Variants in PSIP1 observed in about 807,000 individuals in gnomAD.
PSIP1 encodes the protein PC4 and SRSF1 interacting protein 1, also known as PC4 and SFRS1-interacting protein.
In PSIP1, 19 loss-of-function variants were observed where a neutral mutation model predicts 74.7. That is an observed-to-expected ratio of 0.25 (90% CI 0.18 to 0.37). The LOEUF is 0.37. Ranked by LOEUF, PSIP1 falls within the 10% of genes least tolerant of loss-of-function variation. The pLI is 1.00. For missense variants in PSIP1, 601 were observed against 614.3 expected (o/e 0.98, Z 0.23); for synonymous variants, 222 against 195.3 (o/e 1.14, Z -1.14).
intron 8 of PSIP1, among the ~76,000 whole-genome samples, chr9:15,475,844 A>T (rs2036052204): frequency 6.6e-6 from 1 of 152,204 alleles, no homozygotes; most frequent in Admixed American, 6.5e-5. Flanking sequence ...CAGGTAAGGG[A>T]TATTAGCAAA....
At chr9:15,483,609 T>C (rs1428240921) in intron 6 of PSIP1, among the ~76,000 whole-genome samples, 1 of 152,188 alleles carries the variant, frequency 6.6e-6, no homozygotes, top group Non-Finnish European at 1.5e-5. Context: ...AAAGACCTTG[T>C]CTTCTTTACT....
In PSIP1 at chr9:15,490,067, G is replaced by C. The variant is rs367930298; in HGVS notation, c.207C>G (p.Gly69=). ...TAAAACCTTTTCTTTTATTTGGTTT[G>C]CCATACTTTTCCTTATTTTCTGAGT... ...FPYSENKEKY[G]KPNKRKGFNE... The change falls in exon 4 of 16, where the codon GGC becomes GGG. Residue 69 remains glycine (G), a synonymous_variant. Transcript: ENST00000380733. The C allele has an allele frequency of 1.2e-6, 2 of 1,604,190 alleles. No individual in the cohort carries two copies. Among genetic ancestry groups the C allele is most frequent in the Admixed American group, 1.7e-5 (1 of 58,748 alleles).
chr9:15,469,749 C>A (rs1331304017), intron 11 of PSIP1, among the ~76,000 whole-genome samples, 189 bp downstream of exon 11: 2 of 152,086 alleles, frequency 1.3e-5, no homozygotes, highest in African/African-American at 4.8e-5. Flanking sequence ...ACATAAACAA[C>A]TCAAGCAAGT....
At chr9:15,476,184 A>G (rs1323370672) in intron 8 of PSIP1, among the ~76,000 whole-genome samples, 1 of 152,230 alleles carries the variant, frequency 6.6e-6, no homozygotes, top group African/African-American at 2.4e-5. Flanking sequence ...CACAGCATGA[A>G]TAAGAAATAA....
At chr9:15,490,248 A>C (rs2036762330) in intron 3 of PSIP1, 124 bp from the exon 4 acceptor site, 1 of 860,138 alleles carries the variant, frequency 1.2e-6, no homozygotes, top group Admixed American at 3.5e-5. Context: ...AATCTTAAAT[A>C]AGTTAAAGGG....
intron 4 of PSIP1, 131 bp from the exon 5 acceptor site, chr9:15,487,062 A>G (rs116884054): frequency 9.8e-6 from 5 of 509,860 alleles, no homozygotes; most frequent in Non-Finnish European, 1.6e-5. Context: ...CAGTGGCGCA[A>G]TTATGGTTCA....
At chr9:15,479,515 T>G in intron 7 of PSIP1, 76 bp downstream of exon 7, 2 of 1,150,886 alleles carry the variant, frequency 1.7e-6, no homozygotes, top group East Asian at 2.5e-5. Flanking sequence ...TCCAAAATAT[T>G]TGAGGCAGCA....
At chr9:15,479,792 T>C (rs1468823977) in intron 6 of PSIP1, 105 bp from the exon 7 acceptor site, 4 of 763,674 alleles carry the variant, frequency 5.2e-6, no homozygotes, top group Middle Eastern at 2.4e-4. Flanking sequence ...AGTTCAAGTA[T>C]AGATATAACC....
intron 3 of PSIP1, among the ~76,000 whole-genome samples, chr9:15,497,604 C>T (rs565479446): frequency 6.6e-6 from 1 of 151,934 alleles, no homozygotes; most frequent in African/African-American, 2.4e-5. Context: ...GGATTACAGG[C>T]GTGAGCCACC....
intron 3 of PSIP1, among the ~76,000 whole-genome samples, chr9:15,504,497 G>A (rs1193366265): frequency 6.6e-6 from 1 of 152,130 alleles, no homozygotes; most frequent in Non-Finnish European, 1.5e-5. Context: ...CAGCACTTTA[G>A]GAGGCCGAGG....
In PSIP1 at chr9:15,497,325, C is replaced by CTTTTTTTTTTTTTTTTTTTTTT. The variant is rs767922897; in HGVS notation, c.150-7202_150-7201insAAAAAAAAAAAAAAAAAAAAAA. On this transcript the variant is annotated intron_variant, in intron 3 of 15. Coordinates refer to ENST00000380733, the MANE Select transcript of PSIP1 (RefSeq NM_033222.5). ...CTGAAGACCACACGTTCTATGATTC[C>CTTTTTTTTTTTTTTTTTTTTTT]TTTTTTTTTTTTTTTTGAGACAGAG... Among the ~76,000 whole-genome samples, 935 of 118,358 alleles carry CTTTTTTTTTTTTTTTTTTTTTT rather than the reference C, an allele frequency of 7.9e-3. 74 individuals carry two copies. Among genetic ancestry groups the CTTTTTTTTTTTTTTTTTTTTTT allele is most frequent in the African/African-American group, 0.014 (343 of 24,792 alleles). The allele number at this position is 118,358 out of a possible 152,430, so 77.6% of individuals were successfully genotyped here. A position where few individuals can be genotyped will look rare whatever the true frequency, so the allele number is the denominator to read the frequency against.
chr9:15,500,960 T>C (rs2037315482), intron 3 of PSIP1, among the ~76,000 whole-genome samples: 1 of 152,168 alleles, frequency 6.6e-6, no homozygotes, highest in Non-Finnish European at 1.5e-5. Flanking sequence ...CCCACAACTC[T>C]TGTTCCCAAA....
chr9:15,499,717 T>C (rs1336905252), intron 3 of PSIP1, among the ~76,000 whole-genome samples: 3 of 151,826 alleles, frequency 2.0e-5, no homozygotes, highest in Non-Finnish European at 4.4e-5. Flanking sequence ...CTACTGAAAG[T>C]ACAAAAATTA....
chr9:15,487,835 A>G (rs1036038834), intron 4 of PSIP1, among the ~76,000 whole-genome samples: 4 of 152,218 alleles, frequency 2.6e-5, no homozygotes, highest in Non-Finnish European at 4.4e-5. Context: ...TGTAGCAGGT[A>G]CAGACAAGTA....
chr9:15,480,089 G>A (rs531921676), intron 6 of PSIP1, among the ~76,000 whole-genome samples: 5 of 152,160 alleles, frequency 3.3e-5, no homozygotes, highest in South Asian at 2.1e-4. Flanking sequence ...CTTATTTCCC[G>A]TAAGAAAGGA....
rs544964833 is a variant in PSIP1 at position 15,475,373 on chromosome 9, A to G, written c.630-1136T>C. Reference sequence around the variant, plus strand: ...TAATCAGTTTCCTAAAAATGGGACTAGAGTCCCATTTAAAAAGACATTTCT... The same window carrying G: ...TAATCAGTTTCCTAAAAATGGGACTGGAGTCCCATTTAAAAAGACATTTCT... On this transcript the variant is annotated intron_variant, in intron 8 of 15. Coordinates refer to ENST00000380733, the MANE Select transcript of PSIP1 (RefSeq NM_033222.5). 1.7e-4 allele frequency among the ~76,000 whole-genome samples: 26 copies of G among 152,284 alleles called. No homozygotes were observed. The South Asian group carries it at 4.3e-3, about 25-fold the overall frequency.
At chr9:15,489,730 T>C (rs979373648) in intron 4 of PSIP1, among the ~76,000 whole-genome samples, 1 of 151,882 alleles carries the variant, frequency 6.6e-6, no homozygotes, top group Non-Finnish European at 1.5e-5. Flanking sequence ...TTATATTCAA[T>C]GACGTATTAA....
At chr9:15,489,829 T>A (rs1338936615) in intron 4 of PSIP1, among the ~76,000 whole-genome samples, 157 bp downstream of exon 4, 1 of 152,148 alleles carries the variant, frequency 6.6e-6, no homozygotes, top group Non-Finnish European at 1.5e-5. Flanking sequence ...TCAATTCATT[T>A]TGATATAAAA....
At position 15,474,005 on chromosome 9, in the gene PSIP1, A is replaced by T; in HGVS notation, c.858+4T>A. 1 of 1,600,332 alleles carries T rather than the reference A, an allele frequency of 6.2e-7. No individual in the cohort carries two copies. The highest frequency in any genetic ancestry group is 1.1e-5 in the South Asian group (1 of 90,150). On this transcript the variant is annotated splice_donor_region_variant and intron_variant, in intron 9 of 15. Transcript: ENST00000380733. ...CAGCCATTTTATATATGTAAACTTT[A>T]TACCTTTTCACCTTCTTGATCATCT...
Sources: allele counts gnomAD v4.1 joint callset (sites outside exome capture counted in the v4.1 genomes callset), GRCh38; gene constraint gnomAD v4.1.1; transcripts MANE v1.5; gene names NCBI Gene and HGNC (gene_info 2026-07-23, HGNC 2026-07-21).